TCF4: variants seen among roughly 807,000 people sequenced by gnomAD.
TCF4 encodes SL3-3 enhancer factor 2.
In TCF4, 3 loss-of-function variants were observed where a neutral mutation model predicts 82.1. That is an observed-to-expected ratio of 0.04 (90% CI 0.02 to 0.09). The LOEUF is 0.09. TCF4 is among the 10% of genes least tolerant of loss of function. TCF4 has a pLI of 1.00. For missense variants in TCF4, 518 were observed against 852.7 expected (o/e 0.61, Z 4.89); for synonymous variants, 276 against 309.6 (o/e 0.89, Z 1.14).
intron 5 of TCF4, among the ~76,000 whole-genome samples, chr18:55,444,655 G>A (rs1386276631): frequency 6.6e-6 from 1 of 152,148 alleles, no homozygotes; most frequent in Non-Finnish European, 1.5e-5. Flanking sequence ...TGCCTTGTTG[G>A]TGGTGGTTCA....
chr18:55,617,090 G>GAAA (rs796528775), intron 2 of TCF4, among the ~76,000 whole-genome samples: 31 of 152,192 alleles, frequency 2.0e-4, no homozygotes, highest in African/African-American at 7.5e-4. Flanking sequence ...TTTAGGGGCT[G>GAAA]AAAAATTACA....
At chr18:55,548,880 A>C (rs2097231579) in intron 3 of TCF4, among the ~76,000 whole-genome samples, 1 of 152,276 alleles carries the variant, frequency 6.6e-6, no homozygotes, top group Admixed American at 6.5e-5. Context: ...TTGCAGGACA[A>C]GAAGTTGCTT....
intron 3 of TCF4, among the ~76,000 whole-genome samples, chr18:55,528,311 A>G (rs1156271692): frequency 6.6e-6 from 1 of 152,206 alleles, no homozygotes; most frequent in African/African-American, 2.4e-5. Context: ...AATCAATTTC[A>G]TTTAATAAAA....
At chr18:55,600,579 G>T (rs540131785) in intron 2 of TCF4, among the ~76,000 whole-genome samples, 1 of 152,182 alleles carries the variant, frequency 6.6e-6, no homozygotes, top group East Asian at 1.9e-4. Context: ...GCAAAGGAAG[G>T]TTGTTCAAAT....
At chr18:55,567,985 G>A (rs1377169559) in intron 3 of TCF4, among the ~76,000 whole-genome samples, 1 of 151,966 alleles carries the variant, frequency 6.6e-6, no homozygotes, top group African/African-American at 2.4e-5. Context: ...AATATTGCAA[G>A]TATCAAAGAA....
In TCF4 at chr18:55,257,396, T is replaced by C. The variant is rs1416559433; in HGVS notation, c.1070-5A>G. 3 of 1,613,472 alleles carry C rather than the reference T, an allele frequency of 1.9e-6. No individual in the cohort carries two copies. Among genetic ancestry groups the C allele is most frequent in the Non-Finnish European group, 2.5e-6 (3 of 1,179,642 alleles). ...TAGACCAAACAGCTGTGCCTGCTGATATTAAAGTGGGAATTACAATCAGAT... is the reference window on the plus strand; with the variant it reads ...TAGACCAAACAGCTGTGCCTGCTGACATTAAAGTGGGAATTACAATCAGAT... On this transcript the variant is annotated splice_region_variant and splice_polypyrimidine_tract_variant and intron_variant, in intron 13 of 19. Coordinates refer to ENST00000354452, the MANE Select transcript of TCF4 (RefSeq NM_001083962.2).
intron 6 of TCF4, among the ~76,000 whole-genome samples, chr18:55,378,816 C>G (rs1464602465): frequency 1.3e-5 from 2 of 152,190 alleles, no homozygotes; most frequent in African/African-American, 4.8e-5. Context: ...TAAAACTAAT[C>G]TTTGCTTTCC....
At chr18:55,622,577 C>T (rs565405604) in intron 2 of TCF4, among the ~76,000 whole-genome samples, 8 of 151,508 alleles carry the variant, frequency 5.3e-5, no homozygotes, top group Non-Finnish European at 1.0e-4. Context: ...TTGTAGGCAT[C>T]CATTTTCAGA....
chr18:55,358,543 A>G (rs1321758335), intron 6 of TCF4, among the ~76,000 whole-genome samples: 1 of 152,228 alleles, frequency 6.6e-6, no homozygotes, highest in East Asian at 1.9e-4. Context: ...GGACATTCAG[A>G]GTGGTTATGT....
chr18:55,351,784 T>C (rs1428604223), intron 6 of TCF4: 3 of 851,106 alleles, frequency 3.5e-6, no homozygotes, highest in Non-Finnish European at 2.8e-6. Context: ...AAAAACTACA[T>C]AGAAACTTAC....
intron 10 of TCF4, among the ~76,000 whole-genome samples, chr18:55,271,554 C>T (rs575108221): frequency 6.6e-6 from 1 of 152,202 alleles, no homozygotes; most frequent in Admixed American, 6.5e-5. Context: ...ACCAAAATAG[C>T]CCAACTTAAA....
intron 5 of TCF4, among the ~76,000 whole-genome samples, chr18:55,442,445 T>C (rs1331830236): frequency 2.0e-5 from 3 of 152,204 alleles, no homozygotes; most frequent in Non-Finnish European, 4.4e-5. Flanking sequence ...TGTCCATCCA[T>C]GTAAATGAAA....
chr18:55,635,941 G>C (rs1568514258), exon 1 of TCF4: 1 of 1,583,484 alleles, frequency 6.3e-7, no homozygotes. Context: ...TACAAGAAAG[G>C]TGATACTGTA....
intron 3 of TCF4, among the ~76,000 whole-genome samples, chr18:55,548,816 G>A (rs571893363): frequency 3.9e-5 from 6 of 152,140 alleles, no homozygotes; most frequent in Non-Finnish European, 7.4e-5. Context: ...TTAAAATATA[G>A]TATAAAAGAT....
At chr18:55,252,948 A>C (rs900159410) in intron 15 of TCF4, among the ~76,000 whole-genome samples, 6 of 152,208 alleles carry the variant, frequency 3.9e-5, no homozygotes, top group Non-Finnish European at 7.4e-5. Context: ...GCCAAGCTAA[A>C]TTAAAATCTA....
At chr18:55,322,007 A>C (rs1381257355) in intron 8 of TCF4, 3 of 1,215,916 alleles carry the variant, frequency 2.5e-6, no homozygotes, top group Admixed American at 4.2e-5. Flanking sequence ...GATCGATTCA[A>C]CTTTTCCGAG....
intron 11 of TCF4, among the ~76,000 whole-genome samples, chr18:55,262,635 A>C (rs943222032): frequency 3.9e-5 from 6 of 152,178 alleles, no homozygotes; most frequent in Non-Finnish European, 7.3e-5. Context: ...TCTTTCTTAC[A>C]AATGTGTTGT....
intron 5 of TCF4, among the ~76,000 whole-genome samples, chr18:55,456,234 C>CCAG (rs1328412660): frequency 7.9e-5 from 12 of 152,310 alleles, no homozygotes; most frequent in African/African-American, 2.9e-4. Context: ...ATCCTGTAAG[C>CCAG]CAGCAGCTTT....
intron 3 of TCF4, among the ~76,000 whole-genome samples, chr18:55,503,313 G>C (rs1338046899): frequency 6.6e-6 from 1 of 152,170 alleles, no homozygotes; most frequent in African/African-American, 2.4e-5. Context: ...AAGTTAGAAA[G>C]CCATAAATTC....
Sources: gnomAD v4.1 joint callset for allele counts (sites outside exome capture counted in the v4.1 genomes callset) on GRCh38, gnomAD v4.1.1 for gene constraint, MANE v1.5 for transcripts, NCBI Gene and HGNC (gene_info 2026-07-23, HGNC 2026-07-21) for gene names.